The following KIF18A variants were observed in gnomAD, a reference collection of about 807,000 sequenced individuals.
KIF18A encodes kinesin-like protein KIF18A.
KIF18A carries 67 observed loss-of-function variants against 103.3 expected under a neutral mutation model. The ratio of observed to expected loss-of-function variants is 0.65; its 90% confidence interval spans 0.53 to 0.79. The LOEUF is 0.79. KIF18A is among the 30% of genes least tolerant of loss of function. The probability of loss-of-function intolerance (pLI) is 0.00; values close to 1 mark genes in which losing one functional copy is unlikely to be tolerated. For missense variants in KIF18A, 1,032 were observed against 1,062.5 expected (o/e 0.97, Z 0.40); for synonymous variants, 367 against 355.5 (o/e 1.03, Z -0.36).
chr11:28,091,801 T>C (rs936121327), intron 3 of KIF18A, among the ~76,000 whole-genome samples: 17 of 152,232 alleles, frequency 1.1e-4, no homozygotes, highest in African/African-American at 4.1e-4. Context: ...ATAAGTAAGA[T>C]AGCTGAAGTG....
chr11:28,100,910 C>T (rs1045090650), intron 1 of KIF18A, among the ~76,000 whole-genome samples: 8 of 152,204 alleles, frequency 5.3e-5, no homozygotes, highest in Middle Eastern at 6.8e-3. Context: ...GGACAAGTTA[C>T]TTAACCCCAT....
chr11:28,069,518 G>A, intron 10 of KIF18A, 95 bp from the exon 11 acceptor site: 4 of 1,170,846 alleles, frequency 3.4e-6, no homozygotes, highest in East Asian at 2.5e-5. Context: ...GTGTACTATT[G>A]TAGTAAATTA....
chr11:28,082,944 T>C lies in KIF18A; in HGVS notation c.1174A>G (p.Lys392Glu). Residue 392 changes from lysine (K) to glutamate (E), a missense_variant, in exon 9 of 17, where the codon AAA becomes GAA. By Grantham distance (56) the Lys-to-Glu change is moderately conservative (BLOSUM62 1). Coordinates refer to ENST00000263181, the MANE Select transcript of KIF18A (RefSeq NM_031217.4). ...AEILLLKEKL[K>E]AYEEQKAFTN... ...AAGGCTTTCTGTTCTTCATAGGCTT[T>C]TAGTTTTTCTTTTAACAATAAAATC... 1 of 1,589,436 alleles carries C rather than the reference T, an allele frequency of 6.3e-7. No homozygotes were observed. The highest frequency in any genetic ancestry group is 1.2e-5 in the South Asian group (1 of 86,076).
intron 6 of KIF18A, among the ~76,000 whole-genome samples, chr11:28,086,963 T>C (rs936860399): frequency 6.6e-6 from 1 of 152,150 alleles, no homozygotes; most frequent in African/African-American, 2.4e-5. Context: ...GTGATTTCAG[T>C]AATTTGCCTT....
intron 12 of KIF18A, among the ~76,000 whole-genome samples, chr11:28,059,607 T>C (rs1850832833): frequency 6.6e-6 from 1 of 152,106 alleles, no homozygotes; most frequent in Non-Finnish European, 1.5e-5. Flanking sequence ...ATTTTTTTAT[T>C]TTTTGGTAGA....
chr11:28,030,570 T>C (rs1850383895), intron 15 of KIF18A, among the ~76,000 whole-genome samples: 1 of 152,066 alleles, frequency 6.6e-6, no homozygotes, highest in Non-Finnish European at 1.5e-5. Context: ...GCTAAAACCA[T>C]AAAAACCCCA....
intron 9 of KIF18A, among the ~76,000 whole-genome samples, chr11:28,080,323 T>C (rs1851148623): frequency 6.6e-6 from 1 of 151,572 alleles, no homozygotes; most frequent in Non-Finnish European, 1.5e-5. Context: ...AGGCATACCT[T>C]GTTTTATTGT....
intron 13 of KIF18A, among the ~76,000 whole-genome samples, chr11:28,045,052 C>T (rs1235881861): frequency 6.6e-6 from 1 of 151,988 alleles, no homozygotes; most frequent in Admixed American, 6.6e-5. Context: ...CTGCCATTCA[C>T]TATCTCTCAA....
chr11:28,069,783 C>A (rs1411255727), intron 10 of KIF18A, among the ~76,000 whole-genome samples: 2 of 151,828 alleles, frequency 1.3e-5, no homozygotes, highest in African/African-American at 4.8e-5. Context: ...GATCTCCTTA[C>A]TCAAAATCAA....
chr11:28,037,913 C>T (rs1308248722), intron 13 of KIF18A, among the ~76,000 whole-genome samples: 1 of 151,238 alleles, frequency 6.6e-6, no homozygotes, highest in Non-Finnish European at 1.5e-5. Context: ...TGTACTTGAC[C>T]CTCTAGTTGC....
chr11:28,070,858 T>C (rs772061322), intron 10 of KIF18A, among the ~76,000 whole-genome samples: 9 of 152,138 alleles, frequency 5.9e-5, no homozygotes, highest in African/African-American at 1.4e-4. Flanking sequence ...CTGGACAACA[T>C]AGAGAGACCG....
intron 13 of KIF18A, among the ~76,000 whole-genome samples, chr11:28,045,544 C>T (rs1203924223): frequency 6.6e-6 from 1 of 151,696 alleles, no homozygotes; most frequent in Non-Finnish European, 1.5e-5. Context: ...AAATGTTACA[C>T]ATATTAACAT....
rs545305566 is a variant in KIF18A at position 28,028,768 on chromosome 11, T to A, written c.2505-4918A>T. 8.8e-4 allele frequency among the ~76,000 whole-genome samples: 133 copies of A among 151,382 alleles called. 1 individual carries two copies. Among genetic ancestry groups the A allele is most frequent in the Middle Eastern group, 3.4e-3 (1 of 294 alleles). The stretch of plus-strand genomic sequence containing the variant: ...GGTTTTTTGAAAAGATCAACAAAAT[T>A]GATAGACTGCTAGCAAGACTAAGAA... On this transcript the variant is annotated intron_variant, in intron 15 of 16. Transcript: ENST00000263181.
chr11:28,042,899 T>C (rs962274846), intron 13 of KIF18A, among the ~76,000 whole-genome samples: 1 of 151,880 alleles, frequency 6.6e-6, no homozygotes, highest in African/African-American at 2.4e-5. Flanking sequence ...AAGAGTATTG[T>C]ATAGCTCAGA....
intron 13 of KIF18A, among the ~76,000 whole-genome samples, chr11:28,042,837 G>C (rs987343330): frequency 2.0e-5 from 3 of 151,668 alleles, no homozygotes; most frequent in African/African-American, 4.8e-5. Flanking sequence ...ACCTAATGTT[G>C]GTAATGGGAA....
intron 10 of KIF18A, among the ~76,000 whole-genome samples, chr11:28,074,584 CAAT>C (rs1375703440): frequency 2.0e-5 from 3 of 152,100 alleles, no homozygotes; most frequent in African/African-American, 7.2e-5. Flanking sequence ...AAACTGGTAT[CAAT>C]GATACATTAC....
intron 13 of KIF18A, chr11:28,056,928 T>C: frequency 2.5e-6 from 1 of 395,698 alleles, no homozygotes; most frequent in Non-Finnish European, 5.0e-6. Context: ...GAGGGGCTAA[T>C]AAACACCAGA....
intron 13 of KIF18A, among the ~76,000 whole-genome samples, chr11:28,039,988 A>G (rs1850538648): frequency 1.3e-5 from 2 of 151,756 alleles, no homozygotes; most frequent in Non-Finnish European, 2.9e-5. Context: ...TTGCTTAGAA[A>G]GCTTCAGGAG....
At chr11:28,066,446 A>G (rs566570149) in intron 11 of KIF18A, among the ~76,000 whole-genome samples, 1 of 152,108 alleles carries the variant, frequency 6.6e-6, no homozygotes, top group Admixed American at 6.6e-5. Flanking sequence ...TTTATATGGA[A>G]TTTCAGAAGT....
Sources: gnomAD v4.1 joint callset for allele counts (sites outside exome capture counted in the v4.1 genomes callset) on GRCh38, gnomAD v4.1.1 for gene constraint, MANE v1.5 for transcripts, NCBI Gene and HGNC (gene_info 2026-07-23, HGNC 2026-07-21) for gene names.